Variants in RASA3 observed in about 807,000 individuals in gnomAD.
The protein encoded by RASA3 is ras GTPase-activating protein 3.
RASA3 carries 73 observed loss-of-function variants against 110.0 expected under a neutral mutation model. The observed-to-expected ratio is 0.66, with a 90% CI of 0.55 to 0.81. The LOEUF is 0.81. Among genes scored for constraint, RASA3 ranks in the 30% least tolerant of loss-of-function variants. The pLI, the probability that RASA3 is intolerant of heterozygous loss-of-function variation, is 0.00. For synonymous variants in RASA3, 500 were observed against 451.4 expected, an observed-to-expected ratio of 1.11 and a Z score of -1.37; for missense variants, 976 against 1,113.2, an observed-to-expected ratio of 0.88 and a Z score of 1.75.
chr13:114,125,198 G>A (rs1290574471), intron 1 of RASA3, among the ~76,000 whole-genome samples: 1 of 152,232 alleles, frequency 6.6e-6, no homozygotes, highest in Non-Finnish European at 1.5e-5. Flanking sequence ...CAGCCCACAT[G>A]TGGATGCACA....
intron 3 of RASA3, among the ~76,000 whole-genome samples, chr13:114,047,363 G>A (rs2139522658): frequency 6.6e-6 from 1 of 152,326 alleles, no homozygotes; most frequent in Admixed American, 6.5e-5. Context: ...ACACCTATGG[G>A]AGTGCAAACG....
At chr13:114,019,809 T>C (rs9562197) in intron 9 of RASA3, among the ~76,000 whole-genome samples, 11,049 of 44,724 alleles carry the variant, frequency 0.25, 503 homozygotes, top group African/African-American at 0.39. Context: ...GTGGAGCCTG[T>C]GTCCGAGGCA....
At chr13:114,090,571 CCT>C (rs1468050095) in intron 1 of RASA3, among the ~76,000 whole-genome samples, 1 of 152,194 alleles carries the variant, frequency 6.6e-6, no homozygotes, top group Non-Finnish European at 1.5e-5. Context: ...AGGCTTGCCC[CCT>C]GAGCTCATCA....
At chr13:113,980,773 C>A (rs2052915697) in intron 23 of RASA3, among the ~76,000 whole-genome samples, 1 of 152,206 alleles carries the variant, frequency 6.6e-6, no homozygotes. Flanking sequence ...AGGGACCTGT[C>A]ACTCTCCTGG....
intron 1 of RASA3, among the ~76,000 whole-genome samples, chr13:114,083,493 G>A (rs61973933): frequency 0.087 from 13,237 of 152,174 alleles, 649 homozygotes; most frequent in Middle Eastern, 0.14. Flanking sequence ...ATGGCGTGCC[G>A]TGAAATCACA....
Position 114,014,112 on chromosome 13 carries a change from CTCTCTCTCTCCTTG to C in RASA3, c.1406-878_1406-865del, listed in dbSNP as rs1320163899. Among the ~76,000 whole-genome samples the C allele has an allele frequency of 3.3e-5, 5 of 150,630 alleles. No individual in the cohort carries two copies. Among genetic ancestry groups the C allele is most frequent in the African/African-American group, 1.2e-4 (5 of 41,076 alleles). ...TCTCTCTCCGTCTCTCCCTGTCTCT[CTCTCTCTCTCCTTG>C]TCTCTCTCTGTCTCTCTCCTTCTGT... is the stretch of plus-strand genomic sequence containing the variant. On this transcript the variant is annotated intron_variant, in intron 14 of 23. Transcript: ENST00000334062. This position sits in a 1 kb window ranked among gnomAD's most constrained non-coding sequence, Gnocchi z 4.5.
At chr13:113,995,834 C>CG (rs1460395016) in intron 21 of RASA3, among the ~76,000 whole-genome samples, 4 of 17,164 alleles carry the variant, frequency 2.3e-4, no homozygotes, top group Admixed American at 5.5e-4. Flanking sequence ...GCCCGGCTGA[C>CG]GGGGGGCCCG....
intron 1 of RASA3, among the ~76,000 whole-genome samples, chr13:114,079,340 C>T (rs2079742881): frequency 6.6e-6 from 1 of 152,216 alleles, no homozygotes; most frequent in Non-Finnish European, 1.5e-5. Context: ...GCGAAAGCAA[C>T]CCCGTCCCAG....
At chr13:114,073,242 T>C (rs539697158) in intron 2 of RASA3, among the ~76,000 whole-genome samples, 1 of 147,318 alleles carries the variant, frequency 6.8e-6, no homozygotes, top group Non-Finnish European at 1.5e-5. Context: ...ACAGAAAAAT[T>C]CCCTACACGC....
Position 114,057,558 on chromosome 13 carries a change from A to G in RASA3, c.174-5403T>C, listed in dbSNP as rs892457858. On this transcript the variant is annotated intron_variant, in intron 2 of 23. Transcript: ENST00000334062. The surrounding 1 kb of genome is among the most constrained non-coding windows in gnomAD (Gnocchi z 5.0). The stretch of plus-strand genomic sequence containing the variant: ...AGAAGGGCGATTCCAGGGACAGTGG[A>G]GGCCCCCACAGGAAGGAAACCTCTC... 9 of 967,158 alleles carry G rather than the reference A, an allele frequency of 9.3e-6. No individual in the cohort carries two copies. The African/African-American group carries it at 1.6e-4, about 17-fold the overall frequency. 59.9% of individuals were successfully genotyped at this position (967,158 alleles called of 1,614,324 possible).
At chr13:114,058,858 T>C (rs1316277398) in intron 2 of RASA3, among the ~76,000 whole-genome samples, 2 of 152,210 alleles carry the variant, frequency 1.3e-5, no homozygotes, top group African/African-American at 4.8e-5. Context: ...AAGTGGGAGT[T>C]GAAGGCCAGA....
At chr13:114,041,165 C>A in intron 3 of RASA3, 71 bp from the exon 4 acceptor site, 17 of 1,295,598 alleles carry the variant, frequency 1.3e-5, no homozygotes, top group Non-Finnish European at 1.9e-5. Context: ...GAGCAGAAGC[C>A]AGCCCATCAT....
At chr13:114,040,117 C>T (rs2139458344) in intron 4 of RASA3, among the ~76,000 whole-genome samples, 1 of 152,386 alleles carries the variant, frequency 6.6e-6, no homozygotes, top group South Asian at 2.1e-4. Context: ...TTCACAGCTT[C>T]CTCAGTTGTG....
chr13:114,119,624 CT>C (rs1197666702), intron 1 of RASA3, among the ~76,000 whole-genome samples: 10 of 88,486 alleles, frequency 1.1e-4, no homozygotes, highest in African/African-American at 1.7e-4. Flanking sequence ...ATCAGGGCCC[CT>C]CCCTCTCTCC....
At chr13:114,070,527 C>T (rs573960300) in intron 2 of RASA3, among the ~76,000 whole-genome samples, 3 of 152,270 alleles carry the variant, frequency 2.0e-5, no homozygotes, top group South Asian at 4.1e-4. Flanking sequence ...GGTTGATTTG[C>T]GTTTTGCCCT....
intron 4 of RASA3, among the ~76,000 whole-genome samples, chr13:114,030,394 GGCAAGACTCACGCAGAGA>G (rs1566501369): frequency 1.1e-3 from 65 of 57,354 alleles, no homozygotes; most frequent in African/African-American, 2.8e-3. Context: ...TCACACAGGA[GGCAAGACTCACGCAGAGA>G]GCAAGACTCA....
Position 114,013,123 on chromosome 13 carries a change from C to A in RASA3, c.1512+19G>T. 1 of 1,604,066 alleles carries A rather than the reference C, an allele frequency of 6.2e-7. No homozygotes were observed. Among genetic ancestry groups the A allele is most frequent in the South Asian group, 1.1e-5 (1 of 89,304 alleles). ...GCAGGACAGCTCAGAAAGCCTCGGTCCCTCAGCCGGTCACTCACCGTGTGG... is the reference window on the plus strand; with the variant it reads ...GCAGGACAGCTCAGAAAGCCTCGGTACCTCAGCCGGTCACTCACCGTGTGG... On this transcript the variant is annotated intron_variant, in intron 15 of 23. Transcript: ENST00000334062.
At chr13:114,019,306 T>C (rs1411796613) in intron 9 of RASA3, among the ~76,000 whole-genome samples, 2 of 152,210 alleles carry the variant, frequency 1.3e-5, no homozygotes, top group African/African-American at 4.8e-5. Context: ...TGGCTCCCGA[T>C]GTCACGGGGT....
At chr13:114,018,723 C>T (rs1273366602) in intron 10 of RASA3, 40 bp downstream of exon 10, 6 of 1,603,834 alleles carry the variant, frequency 3.7e-6, no homozygotes, top group Non-Finnish European at 4.3e-6. Context: ...GCAGGTGGCA[C>T]CTCCTGCCCA....
Sources: allele counts gnomAD v4.1 joint callset (sites outside exome capture counted in the v4.1 genomes callset), GRCh38; gene constraint gnomAD v4.1.1; non-coding constraint Gnocchi (gnomAD v3.1); transcripts MANE v1.5; gene names NCBI Gene and HGNC (gene_info 2026-07-23, HGNC 2026-07-21).